LMO7: variants seen among roughly 807,000 people sequenced by gnomAD.
LMO7 encodes LIM domain only protein 7.
Under a neutral mutation model 206.5 loss-of-function variants are expected in LMO7, and 120 were observed. The observed-to-expected ratio is 0.58, with a 90% CI of 0.50 to 0.68. The LOEUF is 0.68. LMO7 is among the 30% of genes least tolerant of loss of function. The pLI, the probability that LMO7 is intolerant of heterozygous loss-of-function variation, is 0.00. For synonymous variants in LMO7, 706 were observed against 681.5 expected, an observed-to-expected ratio of 1.04 and a Z score of -0.56; for missense variants, 1,959 against 1,957.9, an observed-to-expected ratio of 1.00 and a Z score of -0.01.
chr13:75,731,000 G>C (rs1316177738), intron 3 of LMO7, among the ~76,000 whole-genome samples: 1 of 151,482 alleles, frequency 6.6e-6, no homozygotes, highest in East Asian at 1.9e-4. Context: ...GAGACAGTTT[G>C]TTATAATTTC....
chr13:75,683,414 T>C (rs1347870164), intron 1 of LMO7, among the ~76,000 whole-genome samples: 2 of 152,196 alleles, frequency 1.3e-5, no homozygotes, highest in East Asian at 1.9e-4. Flanking sequence ...ACAGTTTGAA[T>C]TGAGGTTTAC....
rs1045024835 is a variant in LMO7, at chr13:75,821,302, G to T, written c.2333G>T (p.Arg778Ile). 33 of 1,614,036 alleles carry T rather than the reference G, an allele frequency of 2.0e-5. No individual in the cohort carries two copies. Among genetic ancestry groups the T allele is most frequent in the Non-Finnish European group, 2.5e-5 (30 of 1,180,010 alleles). ...TCAGAAGCAAGTTACCAGAGTGAGA[G>T]AGTAGAAGAGAAGGGAGCAACTTAT... ...TVSEASYQSERVEEKGATYPS... is the reference protein window; with the variant it reads ...TVSEASYQSEIVEEKGATYPS... Residue 778 changes from arginine to isoleucine, a missense_variant, in exon 14 of 31, where the codon AGA becomes ATA. By Grantham distance (97) the Arg-to-Ile change is moderately conservative (BLOSUM62 -3). Transcript: ENST00000377534.
intron 2 of LMO7, among the ~76,000 whole-genome samples, chr13:75,722,264 AACCC>A (rs1376305031): frequency 6.6e-6 from 1 of 152,234 alleles, no homozygotes; most frequent in South Asian, 2.1e-4. Context: ...GTAAACAGAC[AACCC>A]ACAGAGTGGG....
chr13:75,746,225 A>C (rs1202032152), intron 3 of LMO7, among the ~76,000 whole-genome samples: 1 of 152,148 alleles, frequency 6.6e-6, no homozygotes, highest in African/African-American at 2.4e-5. Context: ...TCAAGAGAGA[A>C]TCTGTGGAGG....
At chr13:75,711,509 C>G (rs192519279) in intron 1 of LMO7, among the ~76,000 whole-genome samples, 1 of 152,168 alleles carries the variant, frequency 6.6e-6, no homozygotes, top group Non-Finnish European at 1.5e-5. Flanking sequence ...GACTCAATGC[C>G]GTCTGTCACC....
At chr13:75,640,358 G>A (rs556452178) in intron 1 of LMO7, among the ~76,000 whole-genome samples, 1 of 152,274 alleles carries the variant, frequency 6.6e-6, no homozygotes, top group African/African-American at 2.4e-5. Context: ...AGCAACAAAT[G>A]CTCCCTAATC....
rs1181756490 is a variant in LMO7, at chr13:75,823,763, G to T, written c.2839G>T (p.Asp947Tyr). Residue 947 changes from aspartate to tyrosine, a missense_variant, in exon 15 of 31, where the codon GAC (aspartate) becomes TAC (tyrosine). Coordinates refer to ENST00000377534, the MANE Select transcript of LMO7 (RefSeq NM_001306080.2). ...ATCCCCCTTCTCATCTCTTTCCCAA[G>T]ACCAGGCTGCCACTTCTAAAGCCAC... ...PTSPFSSLSQ[D>Y]QAATSKATLS... 6.2e-7 allele frequency: 1 copy of T among 1,613,978 alleles called. No individual in the cohort carries two copies. The highest frequency in any genetic ancestry group is 2.2e-5 in the East Asian group (1 of 44,870).
In LMO7 at chr13:75,856,667, T is replaced by C. The variant is rs924858643; in HGVS notation, c.4873+59T>C. On this transcript the variant is annotated intron_variant, in intron 30 of 30. Transcript: ENST00000377534. The stretch of plus-strand genomic sequence containing the variant: ...CTTTTAAGGAGGCCACGGGTTCCCA[T>C]GCATTTCCCTGAACCTGCAGCGAGC... The C allele has an allele frequency of 9.3e-6, 9 of 970,288 alleles. No homozygotes were observed. In the East Asian group the frequency reaches 2.2e-4, roughly 23 times the overall value. The allele number at this position is 970,288 out of a possible 1,614,324, so 60.1% of individuals were successfully genotyped here. A position where few individuals can be genotyped will look rare whatever the true frequency, so the allele number is the denominator to read the frequency against.
At chr13:75,808,824 T>C (rs975303807) in intron 10 of LMO7, among the ~76,000 whole-genome samples, 6 of 152,226 alleles carry the variant, frequency 3.9e-5, no homozygotes, top group Non-Finnish European at 8.8e-5. Flanking sequence ...ATGTTCAGTT[T>C]GTGGAACTTA....
chr13:75,765,711 G>T (rs1288362270), intron 4 of LMO7, among the ~76,000 whole-genome samples: 3 of 152,110 alleles, frequency 2.0e-5, no homozygotes, highest in Non-Finnish European at 4.4e-5. Flanking sequence ...GCAGGGAACG[G>T]TTGTGGGATA....
At chr13:75,800,647 A>G (rs374643092) in intron 6 of LMO7, 37 bp from the exon 7 acceptor site, 77 of 1,576,140 alleles carry the variant, frequency 4.9e-5, no homozygotes, top group South Asian at 2.8e-4. Flanking sequence ...TTGGAAGTTT[A>G]TTTAACTTAC....
intron 3 of LMO7, among the ~76,000 whole-genome samples, chr13:75,744,108 G>A (rs977589741): frequency 1.3e-5 from 2 of 152,126 alleles, no homozygotes; most frequent in Admixed American, 1.3e-4. Flanking sequence ...CATTATGGTA[G>A]AGTTATTTAT....
intron 21 of LMO7, 112 bp downstream of exon 21, chr13:75,840,222 T>C (rs2059461311): frequency 7.2e-7 from 1 of 1,388,948 alleles, no homozygotes; most frequent in Admixed American, 1.8e-5. Context: ...ATCAGAGAGT[T>C]ATCCTTCCAA....
At chr13:75,839,258 C>A (rs190194647) in intron 20 of LMO7, among the ~76,000 whole-genome samples, 1 of 152,302 alleles carries the variant, frequency 6.6e-6, no homozygotes, top group Admixed American at 6.5e-5. Context: ...AAAGCAATTT[C>A]TCTTCCTTCT....
chr13:75,684,467 A>T (rs2040809353), intron 1 of LMO7, among the ~76,000 whole-genome samples: 1 of 150,684 alleles, frequency 6.6e-6, no homozygotes, highest in Non-Finnish European at 1.5e-5. Context: ...CTTGTCCTGA[A>T]CTCCTGACCT....
rs1369463016 is a variant in LMO7, at chr13:75,767,116, T to C, written c.317+6078T>C. Among the ~76,000 whole-genome samples the C allele has an allele frequency of 6.6e-5, 10 of 152,196 alleles. No homozygotes were observed. The East Asian group carries it at 1.9e-3, about 29-fold the overall frequency. ...CATTTCTGTATGTAATAAACTAAAA[T>C]GGGAGCTTTGGACTATGTGCCTTTC... On this transcript the variant is annotated intron_variant, in intron 4 of 30. Coordinates refer to ENST00000377534, the MANE Select transcript of LMO7 (RefSeq NM_001306080.2).
In LMO7 at chr13:75,651,848, T is replaced by C. The variant is rs966922816; in HGVS notation, c.69+15122T>C. ...AAGGAGATCAAGTTCAAGACCCTTA[T>C]GGAAGTTCTGGCAGTGCCATAAAGG... On this transcript the variant is annotated intron_variant, in intron 1 of 30. Coordinates refer to ENST00000377534, the MANE Select transcript of LMO7 (RefSeq NM_001306080.2). Among the ~76,000 whole-genome samples, 8 of 152,220 alleles carry C rather than the reference T, an allele frequency of 5.3e-5. No homozygotes were observed. In the East Asian group the frequency reaches 1.2e-3, roughly 22 times the overall value.
At chr13:75,738,854 C>T (rs2139108993) in intron 3 of LMO7, among the ~76,000 whole-genome samples, 1 of 152,306 alleles carries the variant, frequency 6.6e-6, no homozygotes, top group South Asian at 2.1e-4. Flanking sequence ...TCAGGGAAGT[C>T]ATTAACCCCA....
Position 75,807,747 on chromosome 13 carries a change from T to C in LMO7, c.1464T>C (p.Ser488=), listed in dbSNP as rs748201816. 10 of 1,614,022 alleles carry C rather than the reference T, an allele frequency of 6.2e-6. No homozygotes were observed. The highest frequency in any genetic ancestry group is 5.3e-5 in the African/African-American group (4 of 75,052). The change falls in exon 10 of 31, where the codon TCT becomes TCC. Residue 488 remains serine (S), a synonymous_variant. Transcript: ENST00000377534. Reference sequence around the variant, plus strand: ...CTTTTGAAGACTTTAGAAAGTTCTCTGAGCAAGATGATTCTGTAGAGCGAG... The same window carrying C: ...CTTTTGAAGACTTTAGAAAGTTCTCCGAGCAAGATGATTCTGTAGAGCGAG... ...LRAFEDFRKF[S]EQDDSVERDI...
Sources: allele counts gnomAD v4.1 joint callset (sites outside exome capture counted in the v4.1 genomes callset), GRCh38; gene constraint gnomAD v4.1.1; transcripts MANE v1.5; gene names NCBI Gene and HGNC (gene_info 2026-07-23, HGNC 2026-07-21).